Variants in CTNND1 observed in about 807,000 individuals in gnomAD.
CTNND1 encodes catenin delta 1, also known as catenin delta-1.
Under a neutral mutation model 112.1 loss-of-function variants are expected in CTNND1, and 16 were observed. The observed-to-expected ratio is 0.14, with a 90% CI of 0.10 to 0.22. The LOEUF (loss-of-function observed/expected upper bound fraction) is 0.22. CTNND1 is among the 10% of genes least tolerant of loss of function. The pLI, the probability that CTNND1 is intolerant of heterozygous loss-of-function variation, is 1.00. For synonymous variants in CTNND1, 420 were observed against 446.5 expected, an observed-to-expected ratio of 0.94 and a Z score of 0.75; for missense variants, 1,008 against 1,257.0, an observed-to-expected ratio of 0.80 and a Z score of 3.00.
chr11:57,762,395 A>T (rs887175756), intron 1 of CTNND1, among the ~76,000 whole-genome samples: 6 of 152,160 alleles, frequency 3.9e-5, no homozygotes, highest in African/African-American at 1.4e-4. Context: ...TTAAGCTAAC[A>T]TATTTCTGTT....
chr11:57,801,529 G>T (rs2062020462), intron 6 of CTNND1, among the ~76,000 whole-genome samples: 1 of 152,170 alleles, frequency 6.6e-6, no homozygotes, highest in South Asian at 2.1e-4. Context: ...TAATTAAATT[G>T]CAGGTGTTTT....
At chr11:57,772,301 A>G (rs1446770425) in intron 1 of CTNND1, among the ~76,000 whole-genome samples, 2 of 152,130 alleles carry the variant, frequency 1.3e-5, no homozygotes, top group Non-Finnish European at 2.9e-5. Flanking sequence ...TCAGTTTTCT[A>G]TAAGCAGGAG....
chr11:57,764,008 T>C (rs1565262160), intron 1 of CTNND1: 1 of 152,232 alleles, frequency 6.6e-6, no homozygotes, highest in Non-Finnish European at 1.5e-5. Context: ...ATGGAAGATT[T>C]GTCTTTTACC....
At chr11:57,810,679 G>A (rs1002504658) in intron 16 of CTNND1, among the ~76,000 whole-genome samples, 21 of 152,120 alleles carry the variant, frequency 1.4e-4, no homozygotes, top group Admixed American at 3.9e-4. Context: ...ATTTGGCCAG[G>A]TGTGGTGGCT....
Position 57,815,568 on chromosome 11 carries a change from A to T in CTNND1, c.2808+68A>T, listed in dbSNP as rs780924363. On this transcript the variant is annotated intron_variant, in intron 19 of 20. Coordinates refer to ENST00000399050, the MANE Select transcript of CTNND1 (RefSeq NM_001085458.2). The stretch of plus-strand genomic sequence containing the variant: ...TATTTTGAAGCCTATGTGTTTTGTG[A>T]AACACAAAAAAAAGTACAGAGAAAG... The T allele has an allele frequency of 2.1e-5, 27 of 1,293,232 alleles. No individual in the cohort carries two copies. The East Asian group carries it at 4.6e-4, about 22-fold the overall frequency. The allele number at this position is 1,293,232 out of a possible 1,614,324, so 80.1% of individuals were successfully genotyped here. A position where few individuals can be genotyped will look rare whatever the true frequency, so the allele number is the denominator to read the frequency against.
Position 57,801,982 on chromosome 11 carries a change from T to G in CTNND1, c.1206T>G (p.Thr402=), listed in dbSNP as rs200755967. 1.2e-5 allele frequency: 20 copies of G among 1,614,048 alleles called. No individual in the cohort carries two copies. In the Admixed American group the frequency reaches 2.7e-4, roughly 22 times the overall value. The change falls in exon 7 of 21, where the codon ACT becomes ACG. Residue 402 remains threonine (T), a synonymous_variant. Transcript: ENST00000399050. ...HLCYRNDKVK[T]DVRKLKGIPV... is the part of the protein sequence containing the mutation. The stretch of plus-strand genomic sequence containing the variant: ...GCTACCGCAATGACAAGGTGAAGAC[T>G]GACGTGCGGAAGCTCAAGGGCATCC...
intron 1 of CTNND1, among the ~76,000 whole-genome samples, chr11:57,781,336 G>A (rs528371983): frequency 4.6e-5 from 7 of 151,826 alleles, no homozygotes; most frequent in African/African-American, 1.4e-4. Context: ...TTTTTTTTCC[G>A]AGTCTAGGGT....
rs572987465 is a variant in CTNND1, at chr11:57,792,864, G to A, written c.196-1146G>A. Among the ~76,000 whole-genome samples the A allele has an allele frequency of 5.4e-5, 8 of 147,644 alleles. No individual in the cohort carries two copies. The South Asian group carries it at 1.7e-3, about 31-fold the overall frequency. On this transcript the variant is annotated intron_variant, in intron 3 of 20. Transcript: ENST00000399050. ...TTTTTTTTTTTTTAAGATAGAGAAA[G>A]TCCCTCATACTGAGGAGCCTTGCAG...
intron 19 of CTNND1, chr11:57,815,702 T>C: frequency 2.6e-6 from 2 of 782,834 alleles, no homozygotes; most frequent in South Asian, 2.7e-5. Flanking sequence ...GAAGCATGTC[T>C]GTAAAAGTGT....
intron 1 of CTNND1, among the ~76,000 whole-genome samples, chr11:57,763,427 TAA>T (rs1304942537): frequency 6.6e-6 from 1 of 152,236 alleles, no homozygotes; most frequent in African/African-American, 2.4e-5. Context: ...CAAATTTTTT[TAA>T]GACTAGACTT....
chr11:57,801,894 C>T lies in CTNND1; in HGVS notation c.1118C>T (p.Ala373Val), dbSNP rs765229569. The T allele has an allele frequency of 2.5e-6, 4 of 1,613,898 alleles. No homozygotes were observed. The highest frequency in any genetic ancestry group is 3.4e-6 in the Non-Finnish European group (4 of 1,179,908). ...WRQPELPEVIAMLGFRLDAVK... is the reference protein window; with the variant it reads ...WRQPELPEVIVMLGFRLDAVK... ...CAGCCAGAGCTGCCAGAGGTGATCGCCATGCTTGGATTCCGCTTGGATGCT... is the reference window on the plus strand; with the variant it reads ...CAGCCAGAGCTGCCAGAGGTGATCGTCATGCTTGGATTCCGCTTGGATGCT... Residue 373 changes from alanine (A) to valine (V), a missense_variant, in exon 7 of 21, where the codon GCC becomes GTC. Ala to Val is a moderately conservative substitution (Grantham distance 64). Around this residue, in one of 5 missense-constraint regions of CTNND1, gnomAD observed 216 missense variants for 342.8 expected, o/e 0.63. Coordinates refer to ENST00000399050, the MANE Select transcript of CTNND1 (RefSeq NM_001085458.2).
rs2062631822 is a variant in CTNND1, at chr11:57,806,122, A to G, written c.1876+87A>G. On this transcript the variant is annotated intron_variant, in intron 10 of 20. Transcript: ENST00000399050. ...AGCTTAAGGTACAAAATACTTGGCA[A>G]CAGTATGGGAGTCTGCCTGGTTATG... The G allele has an allele frequency of 6.1e-6, 9 of 1,467,116 alleles. No homozygotes were observed. In the Admixed American group the frequency reaches 9.9e-5, roughly 16 times the overall value. The allele number at this position is 1,467,116 out of a possible 1,614,324, so 90.9% of individuals were successfully genotyped here.
chr11:57,778,143 C>T (rs1400737908), intron 1 of CTNND1, among the ~76,000 whole-genome samples: 1 of 151,988 alleles, frequency 6.6e-6, no homozygotes, highest in East Asian at 1.9e-4. Context: ...CTCTCATTCT[C>T]TAGGGAAACG....
rs554192703 is a variant in CTNND1, at chr11:57,789,160, G to A, written c.-95+5G>A. ...GTTGCGACCTTCTCTTAACAGGTGTGTATGGAAATATGTTTATTAAGAAGG... is the reference window on the plus strand; with the variant it reads ...GTTGCGACCTTCTCTTAACAGGTGTATATGGAAATATGTTTATTAAGAAGG... On this transcript the variant is annotated splice_donor_5th_base_variant and intron_variant, in intron 2 of 20. Coordinates refer to ENST00000399050, the MANE Select transcript of CTNND1 (RefSeq NM_001085458.2). The A allele has an allele frequency of 9.6e-6, 14 of 1,464,558 alleles. No homozygotes were observed. The highest frequency in any genetic ancestry group is 2.8e-5 in the African/African-American group (2 of 70,824). The allele number at this position is 1,464,558 out of a possible 1,614,324, so 90.7% of individuals were successfully genotyped here.
At chr11:57,811,581 G>C (rs1015883538) in intron 17 of CTNND1, 95 bp downstream of exon 17, 5 of 815,458 alleles carry the variant, frequency 6.1e-6, no homozygotes, top group Non-Finnish European at 9.9e-6. Context: ...TTCTGAATTA[G>C]CTAGCCTTTT....
chr11:57,810,367 T>C (rs2063188362), intron 16 of CTNND1, 144 bp downstream of exon 16: 4 of 512,748 alleles, frequency 7.8e-6, no homozygotes, highest in African/African-American at 2.0e-5. Flanking sequence ...CTCACTCTGT[T>C]GCCCAGGCTA....
chr11:57,769,507 A>G (rs567704456), intron 1 of CTNND1, among the ~76,000 whole-genome samples: 1 of 151,232 alleles, frequency 6.6e-6, no homozygotes, highest in Non-Finnish European at 1.5e-5. Flanking sequence ...CCTCACATTT[A>G]TTTTACCTAT....
At chr11:57,792,415 C>CTG (rs1033253845) in intron 3 of CTNND1, among the ~76,000 whole-genome samples, 20 of 152,214 alleles carry the variant, frequency 1.3e-4, no homozygotes, top group Middle Eastern at 3.4e-3. Context: ...CTGTCTTCCT[C>CTG]TGTGTGTGTG....
chr11:57,778,904 C>G (rs1325148502), intron 1 of CTNND1, among the ~76,000 whole-genome samples: 2 of 152,234 alleles, frequency 1.3e-5, no homozygotes, highest in East Asian at 1.9e-4. Context: ...TAATGGGTCT[C>G]GGAGCATCTA....
Sources: allele counts gnomAD v4.1 joint callset (sites outside exome capture counted in the v4.1 genomes callset), GRCh38; gene constraint gnomAD v4.1.1; regional missense constraint gnomAD v4.1.1; transcripts MANE v1.5; gene names NCBI Gene and HGNC (gene_info 2026-07-23, HGNC 2026-07-21).